Variants in NBEAL1 observed in about 807,000 individuals in gnomAD.
NBEAL1 encodes neurobeachin-like protein 1.
In NBEAL1, 273 loss-of-function variants were observed where a neutral mutation model predicts 351.3. The observed-to-expected ratio is 0.78, with a 90% confidence interval of 0.70 to 0.86. The LOEUF is 0.86. Ranked by LOEUF, NBEAL1 falls within the 40% of genes least tolerant of loss-of-function variation. The pLI, the probability that NBEAL1 is intolerant of heterozygous loss-of-function variation, is 0.00. For missense variants in NBEAL1, 2,961 were observed against 3,201.3 expected (o/e 0.92, Z 1.81); for synonymous variants, 1,050 against 1,086.4 (o/e 0.97, Z 0.66).
chr2:203,148,103 A>G (rs2063555310), intron 33 of NBEAL1, among the ~76,000 whole-genome samples: 1 of 152,004 alleles, frequency 6.6e-6, no homozygotes, highest in Admixed American at 6.6e-5. Context: ...ATTTCCTACT[A>G]AGTCTAATAA....
chr2:203,018,023 G>A (rs187603189), intron 2 of NBEAL1, among the ~76,000 whole-genome samples: 3 of 151,958 alleles, frequency 2.0e-5, no homozygotes, highest in African/African-American at 4.8e-5. Flanking sequence ...ATTTAAAACC[G>A]TGATTTTATA....
chr2:203,148,953 T>C (rs1364928090), intron 33 of NBEAL1, 38 bp from the exon 34 acceptor site: 1 of 1,534,680 alleles, frequency 6.5e-7, no homozygotes, highest in East Asian at 2.3e-5. Flanking sequence ...CCTGTAAATA[T>C]ATGAGTCAAT....
chr2:203,213,578 C>T lies in NBEAL1; in HGVS notation c.7995C>T (p.Thr2665=). 1 of 1,613,886 alleles carries T rather than the reference C, an allele frequency of 6.2e-7. No homozygotes were observed. The highest frequency in any genetic ancestry group is 1.1e-5 in the South Asian group (1 of 91,056). The change falls in exon 55 of 56, where the codon ACC becomes ACT. Residue 2665 remains threonine (T), a synonymous_variant. Coordinates refer to ENST00000683969, the MANE Select transcript of NBEAL1 (RefSeq NM_001378026.1). ...MRLPIHCVCV[T]KEYSHILVGL... ...TGCCTATCCATTGTGTTTGTGTCACCAAAGAATACAGCCATATTCTTGTAG... is the reference window on the plus strand; with the variant it reads ...TGCCTATCCATTGTGTTTGTGTCACTAAAGAATACAGCCATATTCTTGTAG...
intron 51 of NBEAL1, among the ~76,000 whole-genome samples, chr2:203,204,510 T>C (rs1015495399): frequency 6.6e-6 from 1 of 151,814 alleles, no homozygotes; most frequent in Non-Finnish European, 1.5e-5. Context: ...TTTGTGTTTT[T>C]AGTAGAGAGA....
chr2:203,057,433 T>C lies in NBEAL1; in HGVS notation c.495T>C (p.Asn165=). The change falls in exon 6 of 56, where the codon AAT becomes AAC. Residue 165 remains asparagine (N), a synonymous_variant. Transcript: ENST00000683969. ...AAAGCTTATATGATCCATATCGGAA[T>C]TGGAGACATAGAATTTCAGGGTATG... ...FCESLYDPYR[N]WRHRISGRIL... is the part of the protein sequence containing the mutation. The C allele has an allele frequency of 1.9e-6, 3 of 1,551,226 alleles. No individual in the cohort carries two copies. Among genetic ancestry groups the C allele is most frequent in the Middle Eastern group, 1.7e-4 (1 of 5,982 alleles).
intron 31 of NBEAL1, among the ~76,000 whole-genome samples, chr2:203,143,500 A>G (rs987268701): frequency 1.3e-5 from 2 of 152,218 alleles, no homozygotes; most frequent in Non-Finnish European, 2.9e-5. Flanking sequence ...GGTGAGTTTA[A>G]GCAGGATTCA....
At chr2:203,214,555 A>C (rs1197004254) in intron 55 of NBEAL1, among the ~76,000 whole-genome samples, 1 of 152,192 alleles carries the variant, frequency 6.6e-6, no homozygotes, top group East Asian at 1.9e-4. Flanking sequence ...CGAGCGGATC[A>C]CTTGAGGTCA....
At chr2:203,067,649 G>T (rs541616555) in intron 6 of NBEAL1, among the ~76,000 whole-genome samples, 1 of 152,086 alleles carries the variant, frequency 6.6e-6, no homozygotes, top group East Asian at 1.9e-4. Context: ...TTCTATTTTT[G>T]TTGGCTTTAT....
chr2:203,101,758 T>C (rs1341593954), intron 12 of NBEAL1, among the ~76,000 whole-genome samples: 4 of 152,116 alleles, frequency 2.6e-5, no homozygotes, highest in Non-Finnish European at 5.9e-5. Context: ...AATGCTTGGC[T>C]AATTTTTTTG....
chr2:203,083,341 G>A lies in NBEAL1; in HGVS notation c.807G>A (p.Leu269=). 1.3e-6 allele frequency: 2 copies of A among 1,554,280 alleles called. No individual in the cohort carries two copies. The highest frequency in any genetic ancestry group is 1.7e-6 in the Non-Finnish European group (2 of 1,147,674). Residue 269 remains leucine, a synonymous_variant, in exon 9 of 56, where the codon CTG becomes CTA. Coordinates refer to ENST00000683969, the MANE Select transcript of NBEAL1 (RefSeq NM_001378026.1). Reference sequence around the variant, plus strand: ...TGGGTAGGAAGGCAGAACTAACTCTGAAGTGCCTTACAGAAGTGGTACATA... The same window carrying A: ...TGGGTAGGAAGGCAGAACTAACTCTAAAGTGCCTTACAGAAGTGGTACATA... ...EEVGRKAELT[L]KCLTEVVHIL... is the part of the protein sequence containing the mutation.
At chr2:203,056,766 C>T (rs974406007) in intron 5 of NBEAL1, among the ~76,000 whole-genome samples, 9 of 152,186 alleles carry the variant, frequency 5.9e-5, no homozygotes, top group Non-Finnish European at 1.3e-4. Context: ...CGGGGTTTCT[C>T]CATGTTGGTC....
intron 11 of NBEAL1, among the ~76,000 whole-genome samples, chr2:203,097,976 G>T (rs984292286): frequency 1.3e-5 from 2 of 151,888 alleles, no homozygotes; most frequent in African/African-American, 4.8e-5. Flanking sequence ...GGACCTTAGG[G>T]CTTTCTTTGT....
Position 203,220,127 on chromosome 2 carries a change from T to C in NBEAL1, c.*2773T>C, listed in dbSNP as rs995676331. The stretch of plus-strand genomic sequence containing the variant: ...ATAATGGGAGAAATGAACAGTATCA[T>C]TGGAATGAAATAACAGGTGGACATT... On this transcript the variant is annotated 3_prime_UTR_variant, in exon 56 of 56. Transcript: ENST00000683969. Among the ~76,000 whole-genome samples the C allele has an allele frequency of 6.6e-6, 1 of 152,156 alleles. No individual in the cohort carries two copies. Among genetic ancestry groups the C allele is most frequent in the African/African-American group, 2.4e-5 (1 of 41,446 alleles).
In NBEAL1 at chr2:203,062,313, T is replaced by G. The variant is rs781024082; in HGVS notation, c.515+4860T>G. 2.1e-6 allele frequency: 1 copy of G among 481,826 alleles called. No homozygotes were observed. The highest frequency in any genetic ancestry group is 4.2e-6 in the Non-Finnish European group (1 of 239,424). 29.8% of individuals were successfully genotyped at this position (481,826 alleles called of 1,614,324 possible). A position where few individuals can be genotyped will look rare whatever the true frequency, so the allele number is the denominator to read the frequency against. On this transcript the variant is annotated intron_variant, in intron 6 of 55. Transcript: ENST00000683969. The surrounding 1 kb of genome is among the most constrained non-coding windows in gnomAD (Gnocchi z 4.2). The stretch of plus-strand genomic sequence containing the variant: ...TCCTGAAGGTTTCCTGCGTCACATC[T>G]CTATAAGAGTTTCTTCTGGGAAAAA...
At chr2:203,060,272 A>G (rs2061477167) in intron 6 of NBEAL1, among the ~76,000 whole-genome samples, 2 of 152,184 alleles carry the variant, frequency 1.3e-5, no homozygotes, top group Non-Finnish European at 2.9e-5. Context: ...GTAGCTAAAA[A>G]CAGTTTTTGA....
In NBEAL1 at chr2:203,138,708, T is replaced by G; in HGVS notation, c.4808T>G (p.Ile1603Ser). Residue 1603 changes from isoleucine to serine, a missense_variant, in exon 31 of 56, where the codon ATC becomes AGC. Coordinates refer to ENST00000683969, the MANE Select transcript of NBEAL1 (RefSeq NM_001378026.1). ...TGGGTAAAACTCTCTCAAATTCAGA[T>G]CCAGTTGCTTCTAGGATTCATTGGA... ...PVWVKLSQIQ[I>S]QLLLGFIGRG... 2 of 1,613,146 alleles carry G rather than the reference T, an allele frequency of 1.2e-6. No individual in the cohort carries two copies. The highest frequency in any genetic ancestry group is 1.7e-6 in the Non-Finnish European group (2 of 1,179,686).
chr2:203,167,338 A>C lies in NBEAL1; in HGVS notation c.5975A>C (p.Tyr1992Ser). 6.2e-7 allele frequency: 1 copy of C among 1,610,004 alleles called. No homozygotes were observed. The highest frequency in any genetic ancestry group is 1.1e-5 in the South Asian group (1 of 90,136). The change falls in exon 38 of 56, where the codon TAC (tyrosine) becomes TCC (serine). Residue 1992 changes from tyrosine (Y) to serine (S), a missense_variant. By Grantham distance (144) the Tyr-to-Ser change is moderately radical. Transcript: ENST00000683969. ...ATTTTTCATGTTGACCAATCCAACTACTTTCTCAATTTCAAAAAAGAGGTA... is the reference window on the plus strand; with the variant it reads ...ATTTTTCATGTTGACCAATCCAACTCCTTTCTCAATTTCAAAAAAGAGGTA... ...LEIFHVDQSN[Y>S]FLNFKKEVRN...
intron 33 of NBEAL1, among the ~76,000 whole-genome samples, chr2:203,145,922 T>G (rs2063501151): frequency 7.1e-6 from 1 of 140,624 alleles, no homozygotes; most frequent in Non-Finnish European, 1.6e-5. Flanking sequence ...AGAAAAATAA[T>G]AGAGAAAATC....
intron 9 of NBEAL1, 131 bp from the exon 10 acceptor site, chr2:203,084,332 G>A: frequency 2.2e-6 from 1 of 453,788 alleles, no homozygotes; most frequent in Non-Finnish European, 3.9e-6. Context: ...GCTTTTGTGT[G>A]TTAGTGTCAT....
Sources: allele counts gnomAD v4.1 joint callset (sites outside exome capture counted in the v4.1 genomes callset), GRCh38; gene constraint gnomAD v4.1.1; non-coding constraint Gnocchi (gnomAD v3.1); transcripts MANE v1.5; gene names NCBI Gene and HGNC (gene_info 2026-07-23, HGNC 2026-07-21).